Variants in ASTN2 observed in about 807,000 individuals in gnomAD.
ASTN2 encodes astrotactin-2.
ASTN2 carries 54 observed loss-of-function variants against 139.8 expected under a neutral mutation model. The ratio of observed to expected loss-of-function variants is 0.39; its 90% CI spans 0.31 to 0.48. The LOEUF (loss-of-function observed/expected upper bound fraction) is 0.48, where lower values mean the gene tolerates loss of function less well. ASTN2 is among the 20% of genes least tolerant of loss of function. The pLI, the probability that ASTN2 is intolerant of heterozygous loss-of-function variation, is 0.95. For synonymous variants in ASTN2, 756 were observed against 719.5 expected (o/e 1.05, Z -0.81); for missense variants, 1,565 against 1,725.1 (o/e 0.91, Z 1.64).
At chr9:117,085,968 A>T (rs1828550020) in intron 5 of ASTN2, among the ~76,000 whole-genome samples, 1 of 152,192 alleles carries the variant, frequency 6.6e-6, no homozygotes, top group Admixed American at 6.5e-5. Context: ...AACCCTCTCA[A>T]TTCTTAGTTT....
chr9:116,620,165 C>G, intron 18 of ASTN2, 145 bp downstream of exon 18: 1 of 1,161,398 alleles, frequency 8.6e-7, no homozygotes, highest in African/African-American at 1.5e-5. Context: ...CCCTTCTTTC[C>G]TAAAAAAGGA....
chr9:116,466,599 T>A (rs555118688), intron 20 of ASTN2, among the ~76,000 whole-genome samples: 5 of 152,286 alleles, frequency 3.3e-5, no homozygotes, highest in Admixed American at 2.6e-4. Flanking sequence ...CAGTGTAAGA[T>A]GAGGCAATGC....
intron 19 of ASTN2, among the ~76,000 whole-genome samples, chr9:116,604,876 A>T (rs1297284662): frequency 1.3e-5 from 2 of 152,190 alleles, no homozygotes; most frequent in African/African-American, 2.4e-5. Flanking sequence ...TAACAGGGAC[A>T]GAGAAAGAAC....
chr9:117,188,856 G>A (rs535706324), intron 3 of ASTN2, among the ~76,000 whole-genome samples: 13 of 152,118 alleles, frequency 8.5e-5, no homozygotes, highest in Non-Finnish European at 1.3e-4. Flanking sequence ...CCAGGTACCC[G>A]TGGGAATTAT....
chr9:117,125,089 G>C (rs1304708034), intron 4 of ASTN2, among the ~76,000 whole-genome samples: 1 of 152,228 alleles, frequency 6.6e-6, no homozygotes, highest in African/African-American at 2.4e-5. Context: ...GACTAGGACA[G>C]ATGTGTAAAG....
chr9:117,238,206 C>T (rs543580810), intron 2 of ASTN2, among the ~76,000 whole-genome samples: 2 of 152,286 alleles, frequency 1.3e-5, no homozygotes, highest in African/African-American at 2.4e-5. Flanking sequence ...GCTCTGTGCA[C>T]TGGCTCTCCT....
At chr9:117,172,683 C>A (rs1830822320) in intron 3 of ASTN2, among the ~76,000 whole-genome samples, 1 of 152,130 alleles carries the variant, frequency 6.6e-6, no homozygotes. Context: ...GGTAACATTT[C>A]TATCCAAGTT....
Position 116,498,410 on chromosome 9 carries a change from C to A in ASTN2, c.3356-10910G>T, listed in dbSNP as rs998169979. Among the ~76,000 whole-genome samples the A allele has an allele frequency of 2.7e-5, 4 of 148,328 alleles. 1 individual carries two copies. The highest frequency in any genetic ancestry group is 5.9e-5 in the Non-Finnish European group (4 of 67,572). On this transcript the variant is annotated intron_variant, in intron 19 of 22. Coordinates refer to ENST00000313400, the MANE Select transcript of ASTN2 (RefSeq NM_001365068.1). ...GATCAGCTTGGACAGCATAGCAAGA[C>A]CCCATCTCTAAAAAAAAACAAAAAA...
At chr9:117,281,363 G>A (rs1254252680) in intron 2 of ASTN2, among the ~76,000 whole-genome samples, 1 of 152,178 alleles carries the variant, frequency 6.6e-6, no homozygotes, top group African/African-American at 2.4e-5. Flanking sequence ...CATCTGTCTT[G>A]TCTCCAAAAC....
At chr9:116,754,144 C>CT (rs1415746943) in intron 13 of ASTN2, among the ~76,000 whole-genome samples, 2 of 152,128 alleles carry the variant, frequency 1.3e-5, no homozygotes, top group African/African-American at 2.4e-5. Flanking sequence ...CATAACTCAT[C>CT]TTTTTTTATG....
chr9:117,193,639 CA>C (rs61700943), intron 3 of ASTN2, among the ~76,000 whole-genome samples: 4 of 106,102 alleles, frequency 3.8e-5, no homozygotes, highest in African/African-American at 1.1e-4. Flanking sequence ...ATTCAGTCAC[CA>C]AAAAAAAAAA....
chr9:116,601,339 T>C (rs1854887920), intron 19 of ASTN2, among the ~76,000 whole-genome samples: 1 of 152,220 alleles, frequency 6.6e-6, no homozygotes, highest in Non-Finnish European at 1.5e-5. Context: ...ATTAGAAGAA[T>C]CATAGTTATA....
In ASTN2 at chr9:116,698,625, GT is replaced by G. The variant is rs770884964; in HGVS notation, c.2806+27145del. The G allele has an allele frequency of 1.2e-6, 2 of 1,614,146 alleles. No individual in the cohort carries two copies. Among genetic ancestry groups the G allele is most frequent in the African/African-American group, 2.7e-5 (2 of 75,062 alleles). The stretch of plus-strand genomic sequence containing the variant: ...TGGCCCCCTCCAAATTGGACAAGCT[GT>G]TAAGAAGCCCCGGACAGTTAACGTG... On this transcript the variant is annotated intron_variant, in intron 16 of 22. Transcript: ENST00000313400. The surrounding 1 kb of genome is among the most constrained non-coding windows in gnomAD (Gnocchi z 4.4).
At chr9:116,974,505 A>AAT (rs1836291298) in intron 10 of ASTN2, among the ~76,000 whole-genome samples, 1 of 107,066 alleles carries the variant, frequency 9.3e-6, no homozygotes, top group Admixed American at 1.0e-4. Context: ...TTTAGCCTGG[A>AAT]CTTTTTTTTT....
intron 2 of ASTN2, among the ~76,000 whole-genome samples, chr9:117,258,070 C>G (rs1189697986): frequency 6.6e-6 from 1 of 152,140 alleles, no homozygotes; most frequent in African/African-American, 2.4e-5. Context: ...TTTAGTCTCT[C>G]CATTGGAAGG....
At chr9:117,079,226 C>T (rs537411813) in intron 5 of ASTN2, among the ~76,000 whole-genome samples, 1 of 152,028 alleles carries the variant, frequency 6.6e-6, no homozygotes, top group East Asian at 1.9e-4. Flanking sequence ...TGTGGTGGTG[C>T]GTGACTGTGG....
chr9:116,970,728 C>T (rs1426514380), intron 10 of ASTN2, among the ~76,000 whole-genome samples: 2 of 152,182 alleles, frequency 1.3e-5, no homozygotes, highest in East Asian at 1.9e-4. Flanking sequence ...CCAAGTGAGC[C>T]ATGCCAGCTT....
Position 116,499,279 on chromosome 9 carries a change from G to T in ASTN2, c.3356-11779C>A, listed in dbSNP as rs187068437. ...ATTTCCCCAGTGTCTAGCAGAGTGTGGGGGGCACAGTAGCTATTCATTAAA... is the reference window on the plus strand; with the variant it reads ...ATTTCCCCAGTGTCTAGCAGAGTGTTGGGGGCACAGTAGCTATTCATTAAA... On this transcript the variant is annotated intron_variant, in intron 19 of 22. Transcript: ENST00000313400. Among the ~76,000 whole-genome samples, 656 of 152,264 alleles carry T rather than the reference G, an allele frequency of 4.3e-3. 2 individuals carry two copies. Among genetic ancestry groups the T allele is most frequent in the Middle Eastern group, 0.021 (6 of 292 alleles).
At chr9:117,248,466 T>C (rs1404404704) in intron 2 of ASTN2, among the ~76,000 whole-genome samples, 4 of 152,176 alleles carry the variant, frequency 2.6e-5, no homozygotes, top group South Asian at 2.1e-4. Flanking sequence ...GTCTAGTGCA[T>C]ACAATATAAG....
Sources: allele counts gnomAD v4.1 joint callset (sites outside exome capture counted in the v4.1 genomes callset), GRCh38; gene constraint gnomAD v4.1.1; non-coding constraint Gnocchi (gnomAD v3.1); transcripts MANE v1.5; gene names NCBI Gene and HGNC (gene_info 2026-07-23, HGNC 2026-07-21).